The following RANBP2 variants were observed in gnomAD, a reference collection of about 807,000 sequenced individuals.
RANBP2 encodes E3 SUMO-protein ligase RanBP2.
RANBP2 carries 57 observed loss-of-function variants against 303.6 expected under a neutral mutation model. The ratio of observed to expected loss-of-function variants is 0.19; its 90% CI spans 0.15 to 0.23. RANBP2 has a LOEUF of 0.23. RANBP2 is among the 10% of genes least tolerant of loss of function. The probability of loss-of-function intolerance (pLI) is 1.00; values close to 1 mark genes in which losing one functional copy is unlikely to be tolerated. For synonymous variants in RANBP2, 1,167 were observed against 1,301.5 expected (o/e 0.90, Z 2.23); for missense variants, 3,138 against 3,780.8 (o/e 0.83, Z 4.46).
At chr2:108,742,101 A>T (rs1231799778) in intron 7 of RANBP2, among the ~76,000 whole-genome samples, 1 of 151,210 alleles carries the variant, frequency 6.6e-6, no homozygotes, top group Non-Finnish European at 1.5e-5. Flanking sequence ...GGTTCAAGCG[A>T]TTGTCCTGCT....
chr2:109,363,949 A>G, the RANBP2 span, among the ~76,000 whole-genome samples: 1 of 151,990 alleles, frequency 6.6e-6, no homozygotes, highest in African/African-American at 2.4e-5. Flanking sequence ...TTTTTCTGGC[A>G]TCTATCCTGC....
At chr2:108,906,062 C>A in the RANBP2 span, among the ~76,000 whole-genome samples, 1 of 147,640 alleles carries the variant, frequency 6.8e-6, no homozygotes, top group Non-Finnish European at 1.5e-5. Flanking sequence ...GGTGCCTGCA[C>A]CAGGCTGTCT....
At chr2:108,901,464 AT>A in the RANBP2 span, among the ~76,000 whole-genome samples, 2 of 152,230 alleles carry the variant, frequency 1.3e-5, no homozygotes, top group Non-Finnish European at 2.9e-5. Context: ...GAAATAAGTA[AT>A]TTAGAAATAA....
chr2:108,737,464 G>A (rs1362023260), intron 6 of RANBP2, among the ~76,000 whole-genome samples: 4 of 149,686 alleles, frequency 2.7e-5, no homozygotes, highest in Non-Finnish European at 5.9e-5. Flanking sequence ...TCAGCCTCCC[G>A]AGTAGCTGGG....
chr2:109,283,382 T>C, the RANBP2 span, among the ~76,000 whole-genome samples: 1 of 152,016 alleles, frequency 6.6e-6, no homozygotes, highest in African/African-American at 2.4e-5. Context: ...CCTCACTGCG[T>C]TGAAATTGAG....
the RANBP2 span, chr2:109,449,117 G>A: frequency 6.4e-7 from 1 of 1,567,608 alleles, no homozygotes; most frequent in South Asian, 1.2e-5. Flanking sequence ...TGGCAGGCAT[G>A]GCAAGTTGCA....
chr2:109,706,935 G>A, the RANBP2 span, among the ~76,000 whole-genome samples: 1 of 152,138 alleles, frequency 6.6e-6, no homozygotes, highest in Non-Finnish European at 1.5e-5. Context: ...ACCGAGGGAG[G>A]TGTGCCACCA....
the RANBP2 span, among the ~76,000 whole-genome samples, chr2:109,076,396 T>C: frequency 2.0e-5 from 3 of 150,516 alleles, no homozygotes; most frequent in Admixed American, 2.0e-4. Flanking sequence ...TTCAACACAG[T>C]ACTAGAAGTT....
At chr2:109,548,475 C>T in the RANBP2 span, among the ~76,000 whole-genome samples, 3 of 152,134 alleles carry the variant, frequency 2.0e-5, no homozygotes, top group Non-Finnish European at 4.4e-5. Flanking sequence ...TGAGCCACAG[C>T]GCCTGGCTAT....
intron 24 of RANBP2, 127 bp downstream of exon 24, chr2:108,776,063 TTAG>T (rs967371240): frequency 7.3e-5 from 52 of 713,410 alleles, no homozygotes; most frequent in Non-Finnish European, 9.8e-5. Flanking sequence ...AAGGGGCATC[TTAG>T]TAGTAGTAGT....
chr2:108,777,369 T>C (rs1220807149), intron 25 of RANBP2, 138 bp downstream of exon 25: 2 of 552,944 alleles, frequency 3.6e-6, no homozygotes, highest in Middle Eastern at 3.6e-4. Flanking sequence ...GTTTTAATAA[T>C]GAAGGGCTTC....
Position 108,764,437 on chromosome 2 carries a change from G to T in RANBP2, c.3898G>T (p.Glu1300Ter). Reference protein sequence around the residue: ...EAALFKCKFEEAQSILKAPGT... With the variant: ...EAALFKCKFE The stretch of plus-strand genomic sequence containing the variant: ...AGCACTTTTTAAATGCAAGTTTGAA[G>T]AAGCCCAGAGCATTTTAAAAGCCCC... Residue 1300 changes from glutamate to a stop codon, truncating the protein, a stop_gained, in exon 20 of 29, where the codon GAA becomes TAA. Transcript: ENST00000283195. LOFTEE classifies it high-confidence loss of function. The T allele has an allele frequency of 6.2e-7, 1 of 1,613,998 alleles. No individual in the cohort carries two copies. The highest frequency in any genetic ancestry group is 8.5e-7 in the Non-Finnish European group (1 of 1,179,978).
At chr2:108,794,692 G>T in the RANBP2 span, 1 of 1,612,940 alleles carries the variant, frequency 6.2e-7, no homozygotes, top group Non-Finnish European at 8.5e-7. Flanking sequence ...GATATATGAC[G>T]AATTATTTCA....
At chr2:109,743,306 C>G in the RANBP2 span, among the ~76,000 whole-genome samples, 4 of 148,898 alleles carry the variant, frequency 2.7e-5, no homozygotes, top group Admixed American at 6.7e-5. Context: ...GACCTTACAC[C>G]TTTCACAAAA....
the RANBP2 span, chr2:108,791,890 C>T: frequency 7.7e-7 from 1 of 1,300,108 alleles, no homozygotes; most frequent in South Asian, 1.5e-5. Flanking sequence ...TAACACTGGC[C>T]CCCAAGAGTT....
At chr2:109,148,289 G>A in the RANBP2 span, among the ~76,000 whole-genome samples, 6 of 152,230 alleles carry the variant, frequency 3.9e-5, no homozygotes, top group Non-Finnish European at 5.9e-5. Context: ...AGCAGAGCAC[G>A]TGAGGGAATC....
the RANBP2 span, among the ~76,000 whole-genome samples, chr2:108,935,582 G>A: frequency 6.6e-6 from 1 of 152,096 alleles, no homozygotes; most frequent in Non-Finnish European, 1.5e-5. Context: ...GCCTTGGCTG[G>A]GTCTCTCCCT....
chr2:109,694,825 G>A, the RANBP2 span, among the ~76,000 whole-genome samples: 33 of 151,788 alleles, frequency 2.2e-4, no homozygotes, highest in Non-Finnish European at 4.0e-4. Context: ...GTGTGTGTGT[G>A]TGTGTGTGTG....
chr2:109,767,329 C>T, the RANBP2 span, among the ~76,000 whole-genome samples: 51 of 149,600 alleles, frequency 3.4e-4, 1 homozygote, highest in African/African-American at 1.1e-3. Flanking sequence ...TTTTCTTAGT[C>T]GTGCATCATA....
Sources: gnomAD v4.1 joint callset for allele counts (sites outside exome capture counted in the v4.1 genomes callset) on GRCh38, gnomAD v4.1.1 for gene constraint, MANE v1.5 for transcripts, NCBI Gene and HGNC (gene_info 2026-07-23, HGNC 2026-07-21) for gene names.